The following GPR158 variants were observed in gnomAD, a reference collection of about 807,000 sequenced individuals.
GPR158 encodes the protein G protein-coupled receptor 158, also known as metabotropic glycine receptor.
Under a neutral mutation model 78.2 loss-of-function variants are expected in GPR158, and 30 were observed. The ratio of observed to expected loss-of-function variants is 0.38; its 90% confidence interval spans 0.29 to 0.52. GPR158 has a LOEUF of 0.52. GPR158 is among the 20% of genes least tolerant of loss of function. The pLI, the probability that GPR158 is intolerant of heterozygous loss-of-function variation, is 0.83. For missense variants in GPR158, 1,463 were observed against 1,523.5 expected, an observed-to-expected ratio of 0.96 and a Z score of 0.66; for synonymous variants, 581 against 591.1, an observed-to-expected ratio of 0.98 and a Z score of 0.25.
rs551768218 is a variant in GPR158, at chr10:25,384,955, A to T, written c.1009-10956A>T. On this transcript the variant is annotated intron_variant, in intron 2 of 10. Transcript: ENST00000376351. Reference sequence around the variant, plus strand: ...TCATTTTGCTCTAAAATATTTTTTTAAAAATTTAATTGTGGTAAAAATACA... The same window carrying T: ...TCATTTTGCTCTAAAATATTTTTTTTAAAATTTAATTGTGGTAAAAATACA... 9.3e-4 allele frequency among the ~76,000 whole-genome samples: 141 copies of T among 152,278 alleles called. 1 individual carries two copies. Among genetic ancestry groups the T allele is most frequent in the South Asian group, 5.6e-3 (27 of 4,830 alleles).
intron 1 of GPR158, among the ~76,000 whole-genome samples, chr10:25,191,630 A>G (rs1424096390): frequency 1.3e-5 from 2 of 152,224 alleles, no homozygotes; most frequent in Non-Finnish European, 2.9e-5. Flanking sequence ...ACAGCTTCAT[A>G]TAAACAGCTT....
At chr10:25,322,216 C>G (rs1285067987) in intron 2 of GPR158, among the ~76,000 whole-genome samples, 4 of 151,930 alleles carry the variant, frequency 2.6e-5, no homozygotes, top group Non-Finnish European at 4.4e-5. Context: ...CCCATCTCTA[C>G]TAAAAATACA....
intron 5 of GPR158, among the ~76,000 whole-genome samples, chr10:25,536,225 T>C (rs1318625682): frequency 2.0e-5 from 3 of 152,128 alleles, no homozygotes; most frequent in Non-Finnish European, 4.4e-5. Flanking sequence ...TCTTTAATAT[T>C]AAAGATATTA....
At chr10:25,578,251 A>G (rs951255038) in intron 7 of GPR158, among the ~76,000 whole-genome samples, 1 of 152,242 alleles carries the variant, frequency 6.6e-6, no homozygotes, top group Non-Finnish European at 1.5e-5. Context: ...CCTCAGCAAC[A>G]TGGCCTACGT....
chr10:25,440,457 TTC>T (rs1835053356), intron 4 of GPR158, among the ~76,000 whole-genome samples: 1 of 152,210 alleles, frequency 6.6e-6, no homozygotes, highest in Non-Finnish European at 1.5e-5. Context: ...CCCTTCAATT[TTC>T]CATAATAGCA....
chr10:25,484,231 G>A (rs1040143656), intron 5 of GPR158, among the ~76,000 whole-genome samples: 4 of 152,132 alleles, frequency 2.6e-5, no homozygotes, highest in Non-Finnish European at 4.4e-5. Flanking sequence ...GGCATTGTCT[G>A]CTTCCTCTTC....
intron 2 of GPR158, among the ~76,000 whole-genome samples, chr10:25,297,563 G>A (rs7922827): frequency 0.36 from 55,212 of 152,058 alleles, 12,348 homozygotes; most frequent in Middle Eastern, 0.51. Flanking sequence ...TCACCTGGGG[G>A]TCTTCATTTC....
Position 25,175,397 on chromosome 10 carries a change from C to T in GPR158, c.-24C>T, listed in dbSNP as rs764746465. ...AAAGTGATTCCCCCCCCTCCCGTTC[C>T]CTCCTCTTCTCTCTGGGAGGCAGAT... is the stretch of plus-strand genomic sequence containing the variant. On this transcript the variant is annotated 5_prime_UTR_variant, in exon 1 of 11. Transcript: ENST00000376351. The surrounding 1 kb of genome is among the most constrained non-coding windows in gnomAD (Gnocchi z 6.4). The T allele has an allele frequency of 1.4e-6, 2 of 1,432,480 alleles. No individual in the cohort carries two copies. The highest frequency in any genetic ancestry group is 2.3e-5 in the East Asian group (1 of 43,502). The allele number at this position is 1,432,480 out of a possible 1,614,324, so 88.7% of individuals were successfully genotyped here.
At chr10:25,340,879 A>T (rs557128606) in intron 2 of GPR158, among the ~76,000 whole-genome samples, 172 of 152,070 alleles carry the variant, frequency 1.1e-3, no homozygotes, top group Non-Finnish European at 2.3e-3. Context: ...CCAAAGAAGT[A>T]CTATTAACTC....
chr10:25,523,612 G>A (rs368189704), intron 5 of GPR158, among the ~76,000 whole-genome samples: 3 of 152,158 alleles, frequency 2.0e-5, no homozygotes, highest in African/African-American at 7.2e-5. Context: ...GTGTAGCTGA[G>A]AAATAGACAA....
chr10:25,419,122 A>C (rs541118170), intron 4 of GPR158, among the ~76,000 whole-genome samples: 42 of 152,150 alleles, frequency 2.8e-4, no homozygotes, highest in Non-Finnish European at 4.4e-4. Flanking sequence ...TTATCATCAC[A>C]AACCAAACTC....
chr10:25,175,984 A>C lies in GPR158; in HGVS notation c.564A>C (p.Pro188=), dbSNP rs1272584345. The C allele has an allele frequency of 5.0e-6, 8 of 1,613,076 alleles. No homozygotes were observed. The highest frequency in any genetic ancestry group is 6.8e-6 in the Non-Finnish European group (8 of 1,179,908). Reference sequence around the variant, plus strand: ...CCGATTCGCTGTCCGCACCGGCCCCACAGGTCTTCCTCCAGGCCACGCGCG... The same window carrying C: ...CCGATTCGCTGTCCGCACCGGCCCCCCAGGTCTTCCTCCAGGCCACGCGCG... ...FSTDSLSAPA[P]QVFLQATREE... Residue 188 remains proline (P), a synonymous_variant, in exon 1 of 11, where the codon CCA becomes CCC. Coordinates refer to ENST00000376351, the MANE Select transcript of GPR158 (RefSeq NM_020752.3). This position sits in a 1 kb window ranked among gnomAD's most constrained non-coding sequence, Gnocchi z 6.4.
intron 1 of GPR158, among the ~76,000 whole-genome samples, chr10:25,192,276 C>T (rs1033833370): frequency 3.3e-5 from 5 of 152,214 alleles, no homozygotes; most frequent in South Asian, 2.1e-4. Context: ...CTTCACCTTC[C>T]GCCACGGTTT....
chr10:25,252,622 G>T (rs1227528662), intron 2 of GPR158, among the ~76,000 whole-genome samples: 2 of 152,078 alleles, frequency 1.3e-5, no homozygotes, highest in Non-Finnish European at 2.9e-5. Flanking sequence ...CAGTTAGGCT[G>T]CTCAGGGGTC....
At chr10:25,213,956 T>C (rs900702040) in intron 1 of GPR158, among the ~76,000 whole-genome samples, 7 of 152,170 alleles carry the variant, frequency 4.6e-5, no homozygotes, top group African/African-American at 1.4e-4. Flanking sequence ...TTCTGTTTAT[T>C]TGCATATTGT....
chr10:25,261,498 T>C (rs985159754), intron 2 of GPR158, among the ~76,000 whole-genome samples: 1 of 152,188 alleles, frequency 6.6e-6, no homozygotes, highest in East Asian at 1.9e-4. Context: ...GATACAATTT[T>C]GTTTTCCTCC....
chr10:25,184,861 T>A (rs1852659471), intron 1 of GPR158, among the ~76,000 whole-genome samples: 1 of 152,194 alleles, frequency 6.6e-6, no homozygotes, highest in African/African-American at 2.4e-5. Context: ...TTCCCGTCAA[T>A]TGCTTGGAAT....
chr10:25,465,868 G>A (rs1229889118), intron 4 of GPR158, among the ~76,000 whole-genome samples: 1 of 152,178 alleles, frequency 6.6e-6, no homozygotes, highest in Non-Finnish European at 1.5e-5. Context: ...TTGAAAGTGA[G>A]GGACTAAGTG....
chr10:25,196,819 G>A (rs775816194), intron 1 of GPR158, among the ~76,000 whole-genome samples: 4 of 152,168 alleles, frequency 2.6e-5, no homozygotes, highest in Non-Finnish European at 5.9e-5. Flanking sequence ...AGGGGATGTG[G>A]CAACTCATGT....
Sources: gnomAD v4.1 joint callset for allele counts (sites outside exome capture counted in the v4.1 genomes callset) on GRCh38, gnomAD v4.1.1 for gene constraint, Gnocchi (gnomAD v3.1) non-coding constraint, MANE v1.5 for transcripts, NCBI Gene and HGNC (gene_info 2026-07-23, HGNC 2026-07-21) for gene names.